Variants in RBFOX1 observed in about 807,000 individuals in gnomAD.
RBFOX1 encodes RNA binding fox-1 homolog 1.
Under a neutral mutation model 57.7 loss-of-function variants are expected in RBFOX1, and 8 were observed. The ratio of observed to expected loss-of-function variants is 0.14; its 90% CI spans 0.08 to 0.25. The LOEUF (loss-of-function observed/expected upper bound fraction) is 0.25. RBFOX1 is among the 10% of genes least tolerant of loss of function. The pLI, the probability that RBFOX1 is intolerant of heterozygous loss-of-function variation, is 1.00. For missense variants in RBFOX1, 611 were observed against 548.5 expected (o/e 1.11, Z -1.14); for synonymous variants, 326 against 222.4 (o/e 1.47, Z -4.15).
At chr16:6,850,058 A>G (rs1417052478) in intron 3 of RBFOX1, among the ~76,000 whole-genome samples, 1 of 152,184 alleles carries the variant, frequency 6.6e-6, no homozygotes, top group Non-Finnish European at 1.5e-5. Context: ...CTTTGTGCAT[A>G]GATACCTTCT....
intron 4 of RBFOX1, among the ~76,000 whole-genome samples, chr16:5,952,740 T>C (rs911566115): frequency 6.6e-6 from 1 of 152,172 alleles, no homozygotes; most frequent in Non-Finnish European, 1.5e-5. Flanking sequence ...CTCTGGGGTT[T>C]CCCTGTTACA....
intron 2 of RBFOX1, among the ~76,000 whole-genome samples, chr16:5,538,342 G>A (rs567814363): frequency 1.1e-4 from 16 of 152,286 alleles, no homozygotes; most frequent in African/African-American, 3.8e-4. Context: ...AACAGAGAGA[G>A]GCTTTCTAAA....
At chr16:5,591,848 G>A (rs757374493) in intron 2 of RBFOX1, among the ~76,000 whole-genome samples, 29 of 152,146 alleles carry the variant, frequency 1.9e-4, no homozygotes, top group Non-Finnish European at 4.0e-4. Flanking sequence ...CACAAGTCAT[G>A]TTATACTCAT....
At chr16:7,088,888 C>T (rs534724034) in intron 4 of RBFOX1, among the ~76,000 whole-genome samples, 36 of 152,254 alleles carry the variant, frequency 2.4e-4, no homozygotes, top group African/African-American at 7.5e-4. Flanking sequence ...TTTCGTTGCT[C>T]GGCAGGCTTA....
At chr16:5,721,647 C>A (rs1005615448) in intron 3 of RBFOX1, among the ~76,000 whole-genome samples, 8 of 152,086 alleles carry the variant, frequency 5.3e-5, no homozygotes, top group African/African-American at 1.9e-4. Flanking sequence ...CTCTTATGTT[C>A]CTAGATTATT....
chr16:5,337,407 A>C (rs1479775652), intron 1 of RBFOX1, among the ~76,000 whole-genome samples: 2 of 152,316 alleles, frequency 1.3e-5, no homozygotes, highest in African/African-American at 4.8e-5. Flanking sequence ...ATATTCAGAC[A>C]AGGTGATTTG....
chr16:6,476,908 A>T (rs1019899773), intron 2 of RBFOX1, among the ~76,000 whole-genome samples: 3 of 152,222 alleles, frequency 2.0e-5, no homozygotes, highest in African/African-American at 7.2e-5. Flanking sequence ...TGTCATTGCA[A>T]CAAGGATCAT....
chr16:7,575,648 T>G (rs2093263588), intron 5 of RBFOX1, among the ~76,000 whole-genome samples: 1 of 152,188 alleles, frequency 6.6e-6, no homozygotes, highest in Non-Finnish European at 1.5e-5. Flanking sequence ...ATTTTAGATT[T>G]CTGTCCTCTA....
rs114803333 is a variant in RBFOX1 at position 7,338,445 on chromosome 16, G to C, written c.28-179702G>C. 3.3e-3 allele frequency among the ~76,000 whole-genome samples: 501 copies of C among 152,210 alleles called. 1 individual carries two copies. Among genetic ancestry groups the C allele is most frequent in the African/African-American group, 0.011 (476 of 41,528 alleles). ...GGGTCTCACTCTGTCACTCAGACTGGAGTGCAGTGGTGCAATCATAGCTCA... is the reference window on the plus strand; with the variant it reads ...GGGTCTCACTCTGTCACTCAGACTGCAGTGCAGTGGTGCAATCATAGCTCA... On this transcript the variant is annotated intron_variant, in intron 4 of 15. Transcript: ENST00000550418.
chr16:7,155,455 G>C (rs945404730), intron 4 of RBFOX1, among the ~76,000 whole-genome samples: 1 of 151,578 alleles, frequency 6.6e-6, no homozygotes, highest in Non-Finnish European at 1.5e-5. Flanking sequence ...AAATAGCAAG[G>C]CATGGTGGTA....
At position 7,702,516 on chromosome 16, in the gene RBFOX1, C is replaced by T. The variant is rs118020936; in HGVS notation, c.996-6540C>T. Among the ~76,000 whole-genome samples the T allele has an allele frequency of 5.9e-3, 894 of 152,274 alleles. 7 individuals carry two copies. Among genetic ancestry groups the T allele is most frequent in the Non-Finnish European group, 9.8e-3 (668 of 68,014 alleles). On this transcript the variant is annotated intron_variant, in intron 14 of 15. Transcript: ENST00000550418. Reference sequence around the variant, plus strand: ...ATGGTTGAGTTGGAAAACATAAATGCCCATAACAGTTTATGATTGACAACG... The same window carrying T: ...ATGGTTGAGTTGGAAAACATAAATGTCCATAACAGTTTATGATTGACAACG...
At chr16:6,829,452 G>C (rs1257182163) in intron 3 of RBFOX1, among the ~76,000 whole-genome samples, 3 of 145,282 alleles carry the variant, frequency 2.1e-5, no homozygotes. Flanking sequence ...TTTTGGGTCT[G>C]TCCATGCAAT....
intron 1 of RBFOX1, among the ~76,000 whole-genome samples, chr16:5,457,880 C>T (rs1447087361): frequency 3.9e-5 from 6 of 152,182 alleles, no homozygotes; most frequent in South Asian, 2.1e-4. Flanking sequence ...TTGTGCCCTA[C>T]ACATAACATG....
chr16:5,266,902 A>T (rs903789328), intron 1 of RBFOX1, among the ~76,000 whole-genome samples: 8 of 152,116 alleles, frequency 5.3e-5, no homozygotes, highest in African/African-American at 1.9e-4. Context: ...GACCTCTTCT[A>T]TGTGCACATT....
intron 3 of RBFOX1, among the ~76,000 whole-genome samples, chr16:6,848,045 T>C (rs920500017): frequency 3.3e-5 from 5 of 152,118 alleles, no homozygotes; most frequent in African/African-American, 7.2e-5. Context: ...TTGGCCAGGC[T>C]GGTCTCCAAC....
At chr16:6,783,047 G>A (rs1261129960) in intron 3 of RBFOX1, among the ~76,000 whole-genome samples, 2 of 152,010 alleles carry the variant, frequency 1.3e-5, no homozygotes, top group African/African-American at 4.8e-5. Flanking sequence ...TATAAGTACA[G>A]CTCTTTATGT....
intron 9 of RBFOX1, among the ~76,000 whole-genome samples, chr16:7,606,765 T>C (rs1211632093): frequency 1.3e-5 from 2 of 152,202 alleles, no homozygotes; most frequent in Non-Finnish European, 2.9e-5. Context: ...ACAGTAAATC[T>C]CTAGGGGATA....
chr16:6,369,152 G>A (rs1484896117), intron 2 of RBFOX1, among the ~76,000 whole-genome samples: 1 of 152,062 alleles, frequency 6.6e-6, no homozygotes, highest in Non-Finnish European at 1.5e-5. Context: ...CTAATCTATT[G>A]GTAGTATTTA....
chr16:7,700,944 T>G (rs181550776), intron 14 of RBFOX1, among the ~76,000 whole-genome samples: 1 of 152,258 alleles, frequency 6.6e-6, no homozygotes, highest in Non-Finnish European at 1.5e-5. Context: ...TGGATTTGTG[T>G]ACGTATTATG....
Sources: allele counts gnomAD v4.1 joint callset (sites outside exome capture counted in the v4.1 genomes callset), GRCh38; gene constraint gnomAD v4.1.1; transcripts MANE v1.5; gene names NCBI Gene and HGNC (gene_info 2026-07-23, HGNC 2026-07-21).